Variants in PTPRD observed in about 807,000 individuals in gnomAD.
PTPRD encodes the protein protein tyrosine phosphatase receptor type D.
Under a neutral mutation model 214.5 loss-of-function variants are expected in PTPRD, and 34 were observed. The ratio of observed to expected loss-of-function variants is 0.16; its 90% CI spans 0.12 to 0.21. The LOEUF (loss-of-function observed/expected upper bound fraction) is 0.21, where lower values mean the gene tolerates loss of function less well. Among genes scored for constraint, PTPRD ranks in the 10% least tolerant of loss-of-function variants. The pLI is 1.00. For missense variants in PTPRD, 2,545 were observed against 2,398.7 expected, an observed-to-expected ratio of 1.06 and a Z score of -1.27; for synonymous variants, 1,128 against 845.7, an observed-to-expected ratio of 1.33 and a Z score of -5.79.
At chr9:10,440,465 C>T (rs1206541895) in intron 2 of PTPRD, among the ~76,000 whole-genome samples, 2 of 151,560 alleles carry the variant, frequency 1.3e-5, no homozygotes, top group African/African-American at 2.4e-5. Flanking sequence ...CCTGGTAATT[C>T]ATATGTAAAG....
chr9:9,787,726 A>G (rs1040375027), intron 5 of PTPRD, among the ~76,000 whole-genome samples: 2 of 151,766 alleles, frequency 1.3e-5, no homozygotes, highest in African/African-American at 2.4e-5. Flanking sequence ...AAGAAATGAC[A>G]AACAGTAGAA....
At chr9:8,954,927 A>G (rs1025351370) in intron 11 of PTPRD, among the ~76,000 whole-genome samples, 4 of 151,918 alleles carry the variant, frequency 2.6e-5, no homozygotes, top group Non-Finnish European at 5.9e-5. Flanking sequence ...ACAGATGCAA[A>G]ATATAGACAA....
In PTPRD at chr9:10,345,931, C is replaced by CTGACAACAT. The variant is rs1263461255; in HGVS notation, c.-599-4915_-599-4914insATGTTGTCA. On this transcript the variant is annotated intron_variant, in intron 2 of 45. Transcript: ENST00000381196. ...ACATCCTCTCCAGCATCTGTTGTTT[C>CTGACAACAT]CTGACTTTTTAATGATCGCCATTCT... is the stretch of plus-strand genomic sequence containing the variant. 9.9e-5 allele frequency among the ~76,000 whole-genome samples: 15 copies of CTGACAACAT among 152,224 alleles called. No individual in the cohort carries two copies. In the South Asian group the frequency reaches 2.9e-3, roughly 29 times the overall value.
At position 10,549,948 on chromosome 9, in the gene PTPRD, T is replaced by C. The variant is rs2060952896; in HGVS notation, c.-600+62450A>G. Among the ~76,000 whole-genome samples the C allele has an allele frequency of 2.0e-5, 3 of 152,186 alleles. No homozygotes were observed. The South Asian group carries it at 6.2e-4, about 32-fold the overall frequency. On this transcript the variant is annotated intron_variant, in intron 2 of 45. Coordinates refer to ENST00000381196, the MANE Select transcript of PTPRD (RefSeq NM_002839.4). Reference sequence around the variant, plus strand: ...AACTTTATTGTGTTACCCATCCTCATCTTTCCTTTAAGCATAGTGCCTTGA... The same window carrying C: ...AACTTTATTGTGTTACCCATCCTCACCTTTCCTTTAAGCATAGTGCCTTGA...
chr9:8,587,098 C>T (rs919312872), intron 14 of PTPRD, among the ~76,000 whole-genome samples: 3 of 151,588 alleles, frequency 2.0e-5, no homozygotes, highest in South Asian at 2.1e-4. Context: ...TGCAGTGAGC[C>T]GAGATCACAC....
At chr9:10,091,933 C>T (rs1055374557) in intron 3 of PTPRD, among the ~76,000 whole-genome samples, 7 of 151,266 alleles carry the variant, frequency 4.6e-5, no homozygotes, top group African/African-American at 1.7e-4. Flanking sequence ...CAGATGACCT[C>T]GGCTTCAGAG....
intron 9 of PTPRD, among the ~76,000 whole-genome samples, chr9:9,315,820 T>C (rs1035622875): frequency 1.4e-5 from 2 of 147,680 alleles, no homozygotes; most frequent in East Asian, 2.0e-4. Context: ...TTCTGTATTA[T>C]AGTAGCAGAC....
At position 8,561,214 on chromosome 9, in the gene PTPRD, T is replaced by G. The variant is rs546356717; in HGVS notation, c.353-32435A>C. On this transcript the variant is annotated intron_variant, in intron 14 of 45. Transcript: ENST00000381196. ...TCCTGCCCACCTTTGAGTGGTGTCT[T>G]CGCTTTAATCTTTTTTGAATATTCA... Among the ~76,000 whole-genome samples, 119 of 152,232 alleles carry G rather than the reference T, an allele frequency of 7.8e-4. 1 individual carries two copies. The highest frequency in any genetic ancestry group is 2.8e-3 in the African/African-American group (115 of 41,556).
intron 4 of PTPRD, among the ~76,000 whole-genome samples, chr9:9,998,940 A>G (rs1191683073): frequency 2.6e-5 from 4 of 152,160 alleles, no homozygotes; most frequent in Non-Finnish European, 5.9e-5. Context: ...TATTATCCTC[A>G]GTTTTTTTTC....
rs555309891 is a variant in PTPRD, at chr9:8,569,533, G to A, written c.353-40754C>T. Among the ~76,000 whole-genome samples the A allele has an allele frequency of 1.5e-4, 23 of 152,114 alleles. No individual in the cohort carries two copies. The South Asian group carries it at 3.3e-3, about 22-fold the overall frequency. Reference sequence around the variant, plus strand: ...GGCCTTCCAATTATCACACATCTCCGTTCCCCTCAACAATTGGTGTGTCTA... The same window carrying A: ...GGCCTTCCAATTATCACACATCTCCATTCCCCTCAACAATTGGTGTGTCTA... On this transcript the variant is annotated intron_variant, in intron 14 of 45. Coordinates refer to ENST00000381196, the MANE Select transcript of PTPRD (RefSeq NM_002839.4).
intron 3 of PTPRD, among the ~76,000 whole-genome samples, chr9:10,188,166 C>T (rs951391069): frequency 6.6e-6 from 1 of 152,112 alleles, no homozygotes; most frequent in Non-Finnish European, 1.5e-5. Context: ...TAATGCTATT[C>T]ACCCTTTTCC....
chr9:9,946,213 C>CT (rs2092534363), intron 4 of PTPRD, among the ~76,000 whole-genome samples: 1 of 152,074 alleles, frequency 6.6e-6, no homozygotes, highest in Non-Finnish European at 1.5e-5. Flanking sequence ...TAAACACAAG[C>CT]AATTATACAT....
At chr9:9,434,455 A>G (rs991317456) in intron 8 of PTPRD, among the ~76,000 whole-genome samples, 2 of 152,186 alleles carry the variant, frequency 1.3e-5, no homozygotes, top group African/African-American at 4.8e-5. Context: ...TGATCTACAG[A>G]TTTTATGCAA....
chr9:9,892,180 GA>G (rs1302109070), intron 5 of PTPRD, among the ~76,000 whole-genome samples: 1 of 151,862 alleles, frequency 6.6e-6, no homozygotes, highest in Non-Finnish European at 1.5e-5. Context: ...GTTCTATGAA[GA>G]AAAATGAATC....
At chr9:10,552,466 T>C (rs1262806730) in intron 2 of PTPRD, among the ~76,000 whole-genome samples, 1 of 152,148 alleles carries the variant, frequency 6.6e-6, no homozygotes, top group African/African-American at 2.4e-5. Context: ...TTCTCATTCT[T>C]CTGTCTTTTT....
Position 9,208,172 on chromosome 9 carries a change from G to A in PTPRD, c.-202-24809C>T, listed in dbSNP as rs906238817. On this transcript the variant is annotated intron_variant, in intron 9 of 45. Coordinates refer to ENST00000381196, the MANE Select transcript of PTPRD (RefSeq NM_002839.4). Reference sequence around the variant, plus strand: ...TGGGACTACGGGCACCCGCCACCACGCCCGGCTAATTTTTTGTAGTTTTAG... The same window carrying A: ...TGGGACTACGGGCACCCGCCACCACACCCGGCTAATTTTTTGTAGTTTTAG... Among the ~76,000 whole-genome samples the A allele has an allele frequency of 4.0e-5, 6 of 151,286 alleles. No homozygotes were observed. In the South Asian group the frequency reaches 6.3e-4, roughly 16 times the overall value.
At chr9:9,427,317 T>G (rs564339796) in intron 8 of PTPRD, among the ~76,000 whole-genome samples, 1 of 152,086 alleles carries the variant, frequency 6.6e-6, no homozygotes, top group Non-Finnish European at 1.5e-5. Context: ...GTATCAGTGA[T>G]GGAAGATCAA....
intron 11 of PTPRD, among the ~76,000 whole-genome samples, chr9:8,864,303 C>T (rs989002348): frequency 2.0e-5 from 3 of 152,170 alleles, no homozygotes; most frequent in Admixed American, 1.3e-4. Context: ...ATTTCATTTG[C>T]ACAAGCCTGA....
intron 8 of PTPRD, among the ~76,000 whole-genome samples, chr9:9,419,985 A>T (rs1403588043): frequency 6.6e-6 from 1 of 151,680 alleles, no homozygotes; most frequent in Non-Finnish European, 1.5e-5. Context: ...TAATATCTAA[A>T]TTTTGATGGT....
Sources: gnomAD v4.1 joint callset for allele counts (sites outside exome capture counted in the v4.1 genomes callset) on GRCh38, gnomAD v4.1.1 for gene constraint, MANE v1.5 for transcripts, NCBI Gene and HGNC (gene_info 2026-07-23, HGNC 2026-07-21) for gene names.